Variants in NPAS3 observed in about 807,000 individuals in gnomAD.
NPAS3 encodes neuronal PAS domain-containing protein 3.
A neutral mutation model predicts 73.1 loss-of-function variants in NPAS3; 14 were observed. That is an observed-to-expected ratio of 0.19 (90% CI 0.13 to 0.30). The LOEUF is 0.30. Ranked by LOEUF, NPAS3 falls within the 10% of genes least tolerant of loss-of-function variation. The pLI, the probability that NPAS3 is intolerant of heterozygous loss-of-function variation, is 1.00. For synonymous variants in NPAS3, 620 were observed against 541.5 expected, an observed-to-expected ratio of 1.14 and a Z score of -2.01; for missense variants, 1,096 against 1,250.0, an observed-to-expected ratio of 0.88 and a Z score of 1.86.
chr14:33,423,177 G>A (rs1279494348), intron 4 of NPAS3, among the ~76,000 whole-genome samples: 2 of 152,042 alleles, frequency 1.3e-5, no homozygotes, highest in African/African-American at 4.8e-5. Flanking sequence ...GTCTGAACAA[G>A]TCTAGAACTA....
At chr14:33,347,650 C>T (rs2044808347) in intron 3 of NPAS3, among the ~76,000 whole-genome samples, 1 of 152,134 alleles carries the variant, frequency 6.6e-6, no homozygotes, top group African/African-American at 2.4e-5. Flanking sequence ...TCCAGAATCT[C>T]CCCACAGATA....
intron 3 of NPAS3, among the ~76,000 whole-genome samples, chr14:33,234,069 G>GT (rs898327476): frequency 9.9e-5 from 15 of 152,024 alleles, no homozygotes; most frequent in African/African-American, 3.6e-4. Context: ...ACTAAAATAT[G>GT]TTTTTAAGTT....
chr14:33,611,522 G>T (rs1158519522), intron 5 of NPAS3, among the ~76,000 whole-genome samples: 1 of 150,502 alleles, frequency 6.6e-6, no homozygotes, highest in Non-Finnish European at 1.5e-5. Context: ...AATATAAAAT[G>T]AAAGGGGAGT....
At chr14:33,722,797 C>T (rs561767155) in intron 6 of NPAS3, among the ~76,000 whole-genome samples, 1 of 152,080 alleles carries the variant, frequency 6.6e-6, no homozygotes, top group African/African-American at 2.4e-5. Context: ...AGAATATTCT[C>T]CAATAAATAA....
At chr14:33,401,536 C>T (rs2047444961) in intron 4 of NPAS3, among the ~76,000 whole-genome samples, 1 of 152,070 alleles carries the variant, frequency 6.6e-6, no homozygotes, top group Admixed American at 6.6e-5. Flanking sequence ...TCCACTGGGG[C>T]CTCAGCTCAG....
At chr14:33,313,197 A>T (rs1162678596) in intron 3 of NPAS3, among the ~76,000 whole-genome samples, 1 of 152,096 alleles carries the variant, frequency 6.6e-6, no homozygotes, top group African/African-American at 2.4e-5. Context: ...TGGGTTTTAT[A>T]TCTCAAAGTC....
chr14:33,293,666 T>C (rs1594619568), intron 3 of NPAS3, among the ~76,000 whole-genome samples: 1 of 152,028 alleles, frequency 6.6e-6, no homozygotes, highest in African/African-American at 2.4e-5. Context: ...TTGAAAAGGG[T>C]GGAGGAAAGG....
At chr14:33,755,076 A>G (rs1352568506) in intron 7 of NPAS3, among the ~76,000 whole-genome samples, 2 of 152,098 alleles carry the variant, frequency 1.3e-5, no homozygotes, top group Non-Finnish European at 2.9e-5. Context: ...TTGCCACTTG[A>G]TATATATTTG....
chr14:33,102,640 G>A (rs7159636), intron 2 of NPAS3, among the ~76,000 whole-genome samples: 271 of 152,236 alleles, frequency 1.8e-3, no homozygotes, highest in African/African-American at 6.3e-3. Flanking sequence ...CCTGAGTAGC[G>A]AAATAGGAAG....
intron 4 of NPAS3, among the ~76,000 whole-genome samples, chr14:33,382,579 T>C (rs149195273): frequency 2.0e-5 from 3 of 152,236 alleles, no homozygotes; most frequent in African/African-American, 7.2e-5. Context: ...TAAACAAGCA[T>C]TTATAGCTTG....
intron 3 of NPAS3, among the ~76,000 whole-genome samples, chr14:33,339,219 CAT>C (rs1238382677): frequency 2.0e-5 from 3 of 152,098 alleles, no homozygotes; most frequent in African/African-American, 4.8e-5. Flanking sequence ...AAATATAGCA[CAT>C]GATTGCATTT....
At chr14:33,646,033 G>A (rs17101643) in intron 5 of NPAS3, among the ~76,000 whole-genome samples, 15,903 of 152,144 alleles carry the variant, frequency 0.1, 1,106 homozygotes, top group East Asian at 0.26. Flanking sequence ...GCTTAGTGCC[G>A]TGGATGAAAG....
intron 3 of NPAS3, among the ~76,000 whole-genome samples, chr14:33,237,244 T>C (rs2048064950): frequency 6.6e-6 from 1 of 152,080 alleles, no homozygotes; most frequent in African/African-American, 2.4e-5. Flanking sequence ...TATTTCATCA[T>C]GCTCATTGAT....
intron 2 of NPAS3, among the ~76,000 whole-genome samples, chr14:33,190,090 A>G (rs900037317): frequency 6.6e-6 from 1 of 152,240 alleles, no homozygotes. Flanking sequence ...GAAAATGCAT[A>G]GAAATACTTA....
chr14:33,043,854 G>A (rs1234771193), intron 1 of NPAS3, among the ~76,000 whole-genome samples: 3 of 151,660 alleles, frequency 2.0e-5, no homozygotes, highest in African/African-American at 4.8e-5. Flanking sequence ...ATATTTGTCT[G>A]TAAGACACAA....
chr14:33,560,558 G>T (rs1237955063), intron 5 of NPAS3: 1 of 173,070 alleles, frequency 5.8e-6, no homozygotes, highest in Non-Finnish European at 1.2e-5. Context: ...TCCTATTACT[G>T]GATGTTTATG....
chr14:33,646,895 G>A (rs2058844815), intron 5 of NPAS3, among the ~76,000 whole-genome samples: 1 of 152,126 alleles, frequency 6.6e-6, no homozygotes, highest in Admixed American at 6.5e-5. Context: ...CAGAGGTATA[G>A]AGTAATCAGC....
chr14:33,324,238 C>T (rs895592904), intron 3 of NPAS3, among the ~76,000 whole-genome samples: 3 of 152,140 alleles, frequency 2.0e-5, no homozygotes, highest in African/African-American at 7.2e-5. Context: ...GCTTTTGTAA[C>T]GCCGGATCTG....
chr14:33,139,512 C>G (rs140760581), intron 2 of NPAS3, among the ~76,000 whole-genome samples: 1 of 151,946 alleles, frequency 6.6e-6, no homozygotes, highest in South Asian at 2.1e-4. Context: ...AAGATGTGGA[C>G]GGGGTGGAGG....
Sources: allele counts gnomAD v4.1 joint callset (sites outside exome capture counted in the v4.1 genomes callset), GRCh38; gene constraint gnomAD v4.1.1; transcripts MANE v1.5; gene names NCBI Gene and HGNC (gene_info 2026-07-23, HGNC 2026-07-21).